The following XPOT variants were observed in gnomAD, a reference collection of about 807,000 sequenced individuals.
The protein encoded by XPOT is exportin for tRNA.
Under a neutral mutation model 128.2 loss-of-function variants are expected in XPOT, and 34 were observed. That is an observed-to-expected ratio of 0.27 (90% CI 0.20 to 0.35). The LOEUF is 0.35. Among genes scored for constraint, XPOT ranks in the 10% least tolerant of loss-of-function variants. The pLI is 1.00. For synonymous variants in XPOT, 348 were observed against 394.3 expected, an observed-to-expected ratio of 0.88 and a Z score of 1.39; for missense variants, 838 against 1,125.3, an observed-to-expected ratio of 0.74 and a Z score of 3.65.
chr12:64,435,585 A>G, intron 21 of XPOT, 42 bp from the exon 22 acceptor site: 1 of 1,549,550 alleles, frequency 6.5e-7, no homozygotes, highest in South Asian at 1.2e-5. Context: ...ATCACTAAAC[A>G]AGAATTGAAT....
chr12:64,442,131 C>A (rs556671988), intron 23 of XPOT, among the ~76,000 whole-genome samples: 1 of 151,000 alleles, frequency 6.6e-6, no homozygotes, highest in East Asian at 2.0e-4. Context: ...TCATCTTTTT[C>A]TTTCTTTTTG....
chr12:64,440,547 T>C (rs1355195265), intron 23 of XPOT, among the ~76,000 whole-genome samples: 1 of 152,226 alleles, frequency 6.6e-6, no homozygotes, highest in Non-Finnish European at 1.5e-5. Context: ...CTATTTTCTA[T>C]AGTGGCTATA....
At chr12:64,433,913 TATAAA>T (rs1390442821) in intron 19 of XPOT, among the ~76,000 whole-genome samples, 1 of 152,218 alleles carries the variant, frequency 6.6e-6, no homozygotes, top group African/African-American at 2.4e-5. Flanking sequence ...CATTTTGAAA[TATAAA>T]ATAAATGGAG....
At chr12:64,423,350 C>G in intron 11 of XPOT, 106 bp downstream of exon 11, 1 of 755,520 alleles carries the variant, frequency 1.3e-6, no homozygotes, top group Non-Finnish European at 2.1e-6. Context: ...ACATGAAGTT[C>G]TTGAAAAATT....
Position 64,451,034 on chromosome 12 carries a change from G to C in XPOT, c.*2903G>C, listed in dbSNP as rs977148224. On this transcript the variant is annotated 3_prime_UTR_variant, in exon 25 of 25. Transcript: ENST00000332707. ...GATATCAAAGAACTGAAATTAGTTGGAATTGTAAGCAGTGAATAGATGTGT... is the reference window on the plus strand; with the variant it reads ...GATATCAAAGAACTGAAATTAGTTGCAATTGTAAGCAGTGAATAGATGTGT... 5 of 152,188 alleles carry C rather than the reference G, an allele frequency of 3.3e-5. No homozygotes were observed. The highest frequency in any genetic ancestry group is 1.2e-4 in the African/African-American group (5 of 41,440). The allele number at this position is 152,188 out of a possible 1,614,324, so 9.4% of individuals were successfully genotyped here. A position where few individuals can be genotyped will look rare whatever the true frequency, so the allele number is the denominator to read the frequency against.
intron 24 of XPOT, among the ~76,000 whole-genome samples, chr12:64,446,445 A>C (rs1275649172): frequency 6.6e-6 from 1 of 151,690 alleles, no homozygotes; most frequent in Non-Finnish European, 1.5e-5. Context: ...TTCTTTCCTC[A>C]TCTTCTCTCT....
chr12:64,414,400 A>G (rs1441580785), intron 2 of XPOT, among the ~76,000 whole-genome samples: 1 of 152,222 alleles, frequency 6.6e-6, no homozygotes, highest in Non-Finnish European at 1.5e-5. Context: ...ACATGATATA[A>G]TTAAAGACTT....
rs759203434 is a variant in XPOT, at chr12:64,419,050, A to G, written c.445A>G (p.Ile149Val). Residue 149 changes from isoleucine (I) to valine (V), a missense_variant, in exon 6 of 25, where the codon ATT becomes GTT. This residue lies in a region of XPOT where 761 missense variants were observed against 988.3 expected (regional missense o/e 0.77). Coordinates refer to ENST00000332707, the MANE Select transcript of XPOT (RefSeq NM_007235.6). ...VDLYLRILMA[I>V]DSELVDRDVV... ...TCTCTACCTGCGAATCCTCATGGCT[A>G]TTGATTCAGAGTTGGTGGATCGTGA... The G allele has an allele frequency of 1.9e-5, 30 of 1,614,104 alleles. No homozygotes were observed. The highest frequency in any genetic ancestry group is 2.2e-5 in the Non-Finnish European group (26 of 1,180,026).
At chr12:64,408,416 C>T (rs1469516231) in intron 1 of XPOT, among the ~76,000 whole-genome samples, 4 of 152,012 alleles carry the variant, frequency 2.6e-5, no homozygotes, top group African/African-American at 9.7e-5. Flanking sequence ...CCCCCCACAG[C>T]GTTTAATGGA....
At chr12:64,442,080 G>A (rs563598952) in intron 23 of XPOT, among the ~76,000 whole-genome samples, 6 of 139,512 alleles carry the variant, frequency 4.3e-5, no homozygotes, top group Admixed American at 1.4e-4. Flanking sequence ...TGTGTAAAGT[G>A]GGGGGGGGAC....
intron 22 of XPOT, 24 bp downstream of exon 22, chr12:64,435,698 T>A (rs751349313): frequency 7.0e-6 from 11 of 1,580,538 alleles, no homozygotes; most frequent in Non-Finnish European, 9.5e-6. Flanking sequence ...TCCATGCCCC[T>A]TCATTTTCAT....
chr12:64,409,499 G>A (rs1224770099), intron 1 of XPOT, among the ~76,000 whole-genome samples: 1 of 152,188 alleles, frequency 6.6e-6, no homozygotes, highest in Non-Finnish European at 1.5e-5. Context: ...ACTTTGGGAG[G>A]CCAAGGCGGG....
Position 64,425,415 on chromosome 12 carries a change from A to G in XPOT, c.1530A>G (p.Glu510=). The change falls in exon 14 of 25, where the codon GAA becomes GAG. Residue 510 remains glutamate (E), a synonymous_variant. Transcript: ENST00000332707. ...LEFFETVVRY[E]KFFTVEPQHI... is the part of the protein sequence containing the mutation. ...TCTTCGAAACTGTTGTTAGATATGA[A>G]AAGTTTTTCACAGTTGAACCTCAGC... The G allele has an allele frequency of 1.9e-6, 3 of 1,613,906 alleles. No individual in the cohort carries two copies. The highest frequency in any genetic ancestry group is 8.5e-7 in the Non-Finnish European group (1 of 1,179,976).
intron 1 of XPOT, among the ~76,000 whole-genome samples, chr12:64,408,417 G>A (rs541042700): frequency 6.6e-6 from 1 of 152,148 alleles, no homozygotes; most frequent in African/African-American, 2.4e-5. Context: ...CCCCCACAGC[G>A]TTTAATGGAA....
At chr12:64,437,278 C>T (rs1320606614) in intron 22 of XPOT, among the ~76,000 whole-genome samples, 1 of 152,150 alleles carries the variant, frequency 6.6e-6, no homozygotes, top group Non-Finnish European at 1.5e-5. Flanking sequence ...GGGAGACCAA[C>T]ACATAAAAAA....
chr12:64,444,924 G>T, intron 23 of XPOT, 151 bp from the exon 24 acceptor site: 2 of 488,544 alleles, frequency 4.1e-6, no homozygotes, highest in Non-Finnish European at 3.5e-6. Context: ...AGTGAGCTAT[G>T]ATCACACCAC....
At position 64,431,610 on chromosome 12, in the gene XPOT, T is replaced by G; in HGVS notation, c.2049T>G (p.Cys683Trp). Residue 683 changes from cysteine (C) to tryptophan (W), a missense_variant, in exon 18 of 25, where the codon TGT (cysteine) becomes TGG (tryptophan). Physicochemically the swap from Cys to Trp is radical, Grantham distance 215. This residue lies in a region of XPOT where 761 missense variants were observed against 988.3 expected (regional missense o/e 0.77). Transcript: ENST00000332707. ...QCGCSEVYLD[C>W]LQTFLPALSC... ...GCTGTTCCGAAGTTTATCTGGACTG[T>G]TTACAGACATTCTTGCCAGCCCTCA... 1 of 1,613,922 alleles carries G rather than the reference T, an allele frequency of 6.2e-7. No individual in the cohort carries two copies. The highest frequency in any genetic ancestry group is 8.5e-7 in the Non-Finnish European group (1 of 1,179,850).
chr12:64,433,393 G>A, intron 18 of XPOT, 21 bp from the exon 19 acceptor site: 1 of 1,506,740 alleles, frequency 6.6e-7, no homozygotes, highest in Non-Finnish European at 8.9e-7. Flanking sequence ...AATTTCTGAA[G>A]TAATGATTGT....
At chr12:64,407,283 G>A (rs947597452) in intron 1 of XPOT, among the ~76,000 whole-genome samples, 1 of 152,000 alleles carries the variant, frequency 6.6e-6, no homozygotes, top group African/African-American at 2.4e-5. Context: ...TTAGGGGTTC[G>A]AGACCAGCCT....
Sources: gnomAD v4.1 joint callset for allele counts (sites outside exome capture counted in the v4.1 genomes callset) on GRCh38, gnomAD v4.1.1 for gene constraint, gnomAD v4.1.1 regional missense constraint, MANE v1.5 for transcripts, NCBI Gene and HGNC (gene_info 2026-07-23, HGNC 2026-07-21) for gene names.